The following PCNX1 variants were observed in gnomAD, a reference collection of about 807,000 sequenced individuals.
PCNX1 encodes pecanex 1.
A neutral mutation model predicts 242.2 loss-of-function variants in PCNX1; 78 were observed. The observed-to-expected ratio is 0.32, with a 90% CI of 0.27 to 0.39. The LOEUF is 0.39. Among genes scored for constraint, PCNX1 ranks in the 10% least tolerant of loss-of-function variants. The pLI, the probability that PCNX1 is intolerant of heterozygous loss-of-function variation, is 1.00. For missense variants in PCNX1, 2,581 were observed against 2,856.5 expected, an observed-to-expected ratio of 0.90 and a Z score of 2.20; for synonymous variants, 1,024 against 1,032.9, an observed-to-expected ratio of 0.99 and a Z score of 0.17.
intron 1 of PCNX1, among the ~76,000 whole-genome samples, chr14:70,928,924 GGAATAGGTACCTTAATCTCATCA>G (rs1394238006): frequency 1.3e-5 from 2 of 152,046 alleles, no homozygotes; most frequent in African/African-American, 4.8e-5. Context: ...TGATGGTTTG[GGAATAGGTACCTTAATCTCATCA>G]GAAAACCATT....
chr14:70,933,969 C>T (rs1328333990), intron 1 of PCNX1, among the ~76,000 whole-genome samples: 1 of 152,108 alleles, frequency 6.6e-6, no homozygotes, highest in Non-Finnish European at 1.5e-5. Context: ...GATCTTGAGC[C>T]AGTGGTGAAG....
chr14:71,056,995 G>A (rs940708797), intron 25 of PCNX1, among the ~76,000 whole-genome samples: 3 of 151,984 alleles, frequency 2.0e-5, no homozygotes, highest in Non-Finnish European at 1.5e-5. Flanking sequence ...CTTTTTTTAA[G>A]GTTCTCTGTT....
rs1288069693 is a variant in PCNX1 at position 71,114,922 on chromosome 14, C to T, written c.*4987C>T. ...GATTTTTTATCTATGAAGCTTGATT[C>T]TACAACCAAAATAATAGAAATGGGG... On this transcript the variant is annotated 3_prime_UTR_variant, in exon 36 of 36. Transcript: ENST00000304743. 2 of 103,166 alleles carry T rather than the reference C, an allele frequency of 1.9e-5. No individual in the cohort carries two copies. The highest frequency in any genetic ancestry group is 8.1e-5 in the African/African-American group (2 of 24,834). The allele number at this position is 103,166 out of a possible 1,614,324, so 6.4% of individuals were successfully genotyped here. A position where few individuals can be genotyped will look rare whatever the true frequency, so the allele number is the denominator to read the frequency against.
At chr14:71,102,299 G>C in intron 31 of PCNX1, 79 bp downstream of exon 31, 2 of 965,826 alleles carry the variant, frequency 2.1e-6, no homozygotes, top group Non-Finnish European at 3.2e-6. Context: ...TTTTGAGACA[G>C]AGTCTCACTT....
At chr14:71,024,450 A>G (rs2140836526) in intron 13 of PCNX1, among the ~76,000 whole-genome samples, 1 of 152,258 alleles carries the variant, frequency 6.6e-6, no homozygotes, top group East Asian at 1.9e-4. Flanking sequence ...GATATAGGCC[A>G]GTTATTTTAT....
At chr14:71,046,413 T>G (rs2060862566) in intron 20 of PCNX1, among the ~76,000 whole-genome samples, 1 of 152,076 alleles carries the variant, frequency 6.6e-6, no homozygotes, top group Admixed American at 6.5e-5. Context: ...GTTGTTTTTT[T>G]TTCTGGTACT....
At chr14:70,945,614 C>A (rs2057425274) in intron 1 of PCNX1, among the ~76,000 whole-genome samples, 1 of 151,624 alleles carries the variant, frequency 6.6e-6, no homozygotes, top group Non-Finnish European at 1.5e-5. Context: ...TACCTGTATT[C>A]TAAACCTGTC....
chr14:70,970,822 G>C (rs1388528642), intron 5 of PCNX1, among the ~76,000 whole-genome samples: 5 of 152,102 alleles, frequency 3.3e-5, no homozygotes, highest in Admixed American at 1.3e-4. Context: ...CCTAAAATTT[G>C]GTTTATAAAA....
At chr14:71,004,453 C>T (rs964278671) in intron 8 of PCNX1, among the ~76,000 whole-genome samples, 10 of 152,204 alleles carry the variant, frequency 6.6e-5, no homozygotes, top group Admixed American at 1.3e-4. Flanking sequence ...GAGCATGAAC[C>T]CTATTGTAAA....
intron 21 of PCNX1, among the ~76,000 whole-genome samples, chr14:71,047,475 C>T (rs2060897155): frequency 6.6e-6 from 1 of 152,014 alleles, no homozygotes; most frequent in East Asian, 1.9e-4. Context: ...TTGAGTCAAG[C>T]ATTAATATGT....
intron 1 of PCNX1, among the ~76,000 whole-genome samples, chr14:70,938,388 A>G (rs916121714): frequency 8.5e-5 from 13 of 152,180 alleles, no homozygotes; most frequent in African/African-American, 2.9e-4. Flanking sequence ...TATTGAGATA[A>G]TCGTGGTTTT....
chr14:71,108,391 A>G (rs1206541315), intron 33 of PCNX1, among the ~76,000 whole-genome samples: 1 of 152,256 alleles, frequency 6.6e-6, no homozygotes, highest in African/African-American at 2.4e-5. Context: ...AAAAAACTTT[A>G]GCAAATAAAA....
chr14:71,012,442 T>A (rs1223485992), intron 10 of PCNX1: 1 of 157,200 alleles, frequency 6.4e-6, no homozygotes, highest in Non-Finnish European at 1.4e-5. Context: ...GACACTTTTC[T>A]AGTCAATTAT....
chr14:71,086,691 G>A (rs947785974), intron 28 of PCNX1, among the ~76,000 whole-genome samples: 9 of 152,148 alleles, frequency 5.9e-5, no homozygotes, highest in Admixed American at 3.9e-4. Flanking sequence ...GTAGATCTCC[G>A]AGTTCCCTCG....
At chr14:71,052,315 G>A (rs925413745) in intron 24 of PCNX1, among the ~76,000 whole-genome samples, 1 of 151,794 alleles carries the variant, frequency 6.6e-6, no homozygotes, top group African/African-American at 2.4e-5. Context: ...GGGGGCTCAA[G>A]TGATCCTCCT....
At chr14:70,934,145 G>A (rs1483753059) in intron 1 of PCNX1, among the ~76,000 whole-genome samples, 1 of 152,182 alleles carries the variant, frequency 6.6e-6, no homozygotes, top group Non-Finnish European at 1.5e-5. Context: ...AATAATTCTG[G>A]TATGACCATT....
intron 8 of PCNX1, among the ~76,000 whole-genome samples, chr14:71,005,956 T>A (rs2059646589): frequency 6.8e-6 from 1 of 147,384 alleles, no homozygotes; most frequent in African/African-American, 2.5e-5. Flanking sequence ...AGGGTCTCAC[T>A]CTCTTGCCCA....
At chr14:71,091,097 A>AGG (rs1382715308) in intron 30 of PCNX1, among the ~76,000 whole-genome samples, 1 of 152,186 alleles carries the variant, frequency 6.6e-6, no homozygotes, top group East Asian at 1.9e-4. Flanking sequence ...TGGAGGGCTG[A>AGG]GGGGAGGAGA....
intron 26 of PCNX1, among the ~76,000 whole-genome samples, 192 bp downstream of exon 26, chr14:71,057,916 A>G (rs1566757898): frequency 6.6e-6 from 1 of 152,222 alleles, no homozygotes; most frequent in Non-Finnish European, 1.5e-5. Context: ...CATGTTTGCA[A>G]TATGGCTTTA....
Sources: allele counts gnomAD v4.1 joint callset (sites outside exome capture counted in the v4.1 genomes callset), GRCh38; gene constraint gnomAD v4.1.1; transcripts MANE v1.5; gene names NCBI Gene and HGNC (gene_info 2026-07-23, HGNC 2026-07-21).